Variants in TRAPPC11 observed in about 807,000 individuals in gnomAD.
The protein encoded by TRAPPC11 is trafficking protein particle complex subunit 11, also known as foie gras homolog.
Under a neutral mutation model 151.2 loss-of-function variants are expected in TRAPPC11, and 104 were observed. The ratio of observed to expected loss-of-function variants is 0.69; its 90% CI spans 0.59 to 0.81. TRAPPC11 has a LOEUF of 0.81. TRAPPC11 is among the 30% of genes least tolerant of loss of function. The pLI is 0.00. For synonymous variants in TRAPPC11, 456 were observed against 472.3 expected, an observed-to-expected ratio of 0.97 and a Z score of 0.45; for missense variants, 1,230 against 1,349.6, an observed-to-expected ratio of 0.91 and a Z score of 1.39.
In TRAPPC11 at chr4:183,684,053, CTG is replaced by C. The variant is rs1456999418; in HGVS notation, c.1287+1_1287+2del. 1.2e-6 allele frequency: 2 copies of C among 1,613,474 alleles called. No individual in the cohort carries two copies. The highest frequency in any genetic ancestry group is 2.2e-5 in the East Asian group (1 of 44,852). ...CTGAAGGAGAGAAATGTTGTTCACT[CTG>C]TAAGTTTTGTGTCCAATATAAACTA... On this transcript the variant is annotated splice_donor_variant and coding_sequence_variant, in exon 12 of 30. Coordinates refer to ENST00000334690, the MANE Select transcript of TRAPPC11 (RefSeq NM_021942.6). LOFTEE classifies it high-confidence loss of function.
At chr4:183,661,146 T>C (rs1734492106) in intron 1 of TRAPPC11, among the ~76,000 whole-genome samples, 1 of 152,100 alleles carries the variant, frequency 6.6e-6, no homozygotes. Flanking sequence ...CAATCTGTTG[T>C]AGACATTTCT....
chr4:183,703,666 G>T (rs145380739), intron 26 of TRAPPC11, among the ~76,000 whole-genome samples: 27 of 152,176 alleles, frequency 1.8e-4, no homozygotes, highest in Middle Eastern at 3.4e-3. Context: ...AGCTCAGGAG[G>T]TATATTCATT....
chr4:183,680,417 T>C (rs957997439), intron 10 of TRAPPC11, 150 bp downstream of exon 10: 1 of 919,624 alleles, frequency 1.1e-6, no homozygotes, highest in African/African-American at 1.7e-5. Flanking sequence ...CATTGATCTT[T>C]GGTTTTAGCC....
At chr4:183,695,257 CT>C (rs1278876536) in intron 23 of TRAPPC11, among the ~76,000 whole-genome samples, 15 of 152,016 alleles carry the variant, frequency 9.9e-5, no homozygotes, top group Non-Finnish European at 7.4e-5. Context: ...GCCTATATGG[CT>C]TTTCGTATAG....
In TRAPPC11 at chr4:183,680,249, A is replaced by G; in HGVS notation, c.1095A>G (p.Lys365=). 1 of 1,613,600 alleles carries G rather than the reference A, an allele frequency of 6.2e-7. No individual in the cohort carries two copies. Among genetic ancestry groups the G allele is most frequent in the Non-Finnish European group, 8.5e-7 (1 of 1,179,866 alleles). Residue 365 remains lysine, a synonymous_variant, in exon 10 of 30, where the codon AAA becomes AAG. Coordinates refer to ENST00000334690, the MANE Select transcript of TRAPPC11 (RefSeq NM_021942.6). The stretch of plus-strand genomic sequence containing the variant: ...CCCAGGAGCGGAAACAGCTTGCAAA[A>G]ACCCTCTGTAACCACGAAGTAAGTT... The part of the protein sequence containing the change: ...YYAQERKQLA[K]TLCNHEASVM...
At chr4:183,662,194 A>G (rs1362880185) in intron 1 of TRAPPC11, among the ~76,000 whole-genome samples, 2 of 151,984 alleles carry the variant, frequency 1.3e-5, no homozygotes, top group African/African-American at 2.4e-5. Flanking sequence ...CCTGTCCACT[A>G]AAATACAAAA....
At chr4:183,665,391 G>GC (rs1477081929) in intron 2 of TRAPPC11, among the ~76,000 whole-genome samples, 1 of 152,120 alleles carries the variant, frequency 6.6e-6, no homozygotes, top group African/African-American at 2.4e-5. Flanking sequence ...ACCGTGCCAG[G>GC]CCTACATGAT....
intron 18 of TRAPPC11, among the ~76,000 whole-genome samples, chr4:183,688,485 G>A (rs544539060): frequency 7.2e-5 from 11 of 152,298 alleles, no homozygotes; most frequent in Non-Finnish European, 1.3e-4. Flanking sequence ...GTTAAGCGGG[G>A]ATAGGCTAGT....
At position 183,694,829 on chromosome 4, in the gene TRAPPC11, T is replaced by G. The variant is rs557569030; in HGVS notation, c.2628+106T>G. On this transcript the variant is annotated intron_variant, in intron 23 of 29. Coordinates refer to ENST00000334690, the MANE Select transcript of TRAPPC11 (RefSeq NM_021942.6). ...AGCATAAAATAAGCAGTTTAGGTGC[T>G]TATAGTCTGTTATAAATTTTAATTA... 5 of 1,112,470 alleles carry G rather than the reference T, an allele frequency of 4.5e-6. No homozygotes were observed. The African/African-American group carries it at 6.6e-5, about 15-fold the overall frequency. 68.9% of individuals were successfully genotyped at this position (1,112,470 alleles called of 1,614,324 possible). A position where few individuals can be genotyped will look rare whatever the true frequency, so the allele number is the denominator to read the frequency against.
At chr4:183,698,133 G>T (rs1736637574) in intron 25 of TRAPPC11, among the ~76,000 whole-genome samples, 1 of 151,724 alleles carries the variant, frequency 6.6e-6, no homozygotes, top group African/African-American at 2.4e-5. Flanking sequence ...ACTTTTTAAA[G>T]ATTTTTTTCT....
At chr4:183,690,226 G>A (rs374333623) in intron 18 of TRAPPC11, among the ~76,000 whole-genome samples, 12 of 149,492 alleles carry the variant, frequency 8.0e-5, no homozygotes, top group South Asian at 2.1e-4. Context: ...TAAACCATAA[G>A]AAAAAAAAAA....
At chr4:183,687,457 T>G (rs1736041206) in intron 18 of TRAPPC11, among the ~76,000 whole-genome samples, 1 of 152,070 alleles carries the variant, frequency 6.6e-6, no homozygotes, top group African/African-American at 2.4e-5. Context: ...GCCCCCTAAG[T>G]AGCTGGAACT....
intron 18 of TRAPPC11, among the ~76,000 whole-genome samples, chr4:183,690,898 G>A (rs772000247): frequency 1.3e-5 from 2 of 152,112 alleles, no homozygotes; most frequent in Non-Finnish European, 2.9e-5. Context: ...GGTCCAAAAG[G>A]TTGAGGCTAC....
chr4:183,671,200 T>A (rs1380225400), intron 5 of TRAPPC11, among the ~76,000 whole-genome samples: 2 of 152,226 alleles, frequency 1.3e-5, no homozygotes, highest in Non-Finnish European at 2.9e-5. Context: ...TAAAATTATT[T>A]GAAGCAAAGA....
Position 183,697,584 on chromosome 4 carries a change from G to T in TRAPPC11, c.2694+16G>T, listed in dbSNP as rs773126662. 4 of 1,603,362 alleles carry T rather than the reference G, an allele frequency of 2.5e-6. No homozygotes were observed. The Admixed American group carries it at 7.1e-5, about 29-fold the overall frequency. On this transcript the variant is annotated intron_variant, in intron 24 of 29. Transcript: ENST00000334690. ...TTCTACCAAGGTATGTTTCTTTGAG[G>T]CATACTAGAAATCATTTAGGTTATA...
At chr4:183,711,673 C>T (rs1012863779) in intron 29 of TRAPPC11, among the ~76,000 whole-genome samples, 2 of 101,118 alleles carry the variant, frequency 2.0e-5, no homozygotes, top group African/African-American at 5.7e-5. Flanking sequence ...TGAACAACCA[C>T]AGCAGCAGCA....
chr4:183,663,773 T>TAG, intron 1 of TRAPPC11, 74 bp from the exon 2 acceptor site: 1 of 558,430 alleles, frequency 1.8e-6, no homozygotes, highest in Non-Finnish European at 2.9e-6. Flanking sequence ...AGTTTTGCTC[T>TAG]TGTTGCCCAG....
intron 29 of TRAPPC11, among the ~76,000 whole-genome samples, chr4:183,708,836 A>G (rs1290653717): frequency 6.6e-6 from 1 of 152,194 alleles, no homozygotes; most frequent in Non-Finnish European, 1.5e-5. Flanking sequence ...TTAGTAAAGT[A>G]TGCTTTAAAA....
At chr4:183,674,504 T>C (rs1735314492) in intron 5 of TRAPPC11, among the ~76,000 whole-genome samples, 1 of 151,934 alleles carries the variant, frequency 6.6e-6, no homozygotes, top group African/African-American at 2.4e-5. Context: ...TCCTGTATTA[T>C]AAATAATTTT....
Sources: allele counts gnomAD v4.1 joint callset (sites outside exome capture counted in the v4.1 genomes callset), GRCh38; gene constraint gnomAD v4.1.1; transcripts MANE v1.5; gene names NCBI Gene and HGNC (gene_info 2026-07-23, HGNC 2026-07-21).